The following WDR7 variants were observed in gnomAD, a reference collection of about 807,000 sequenced individuals.
The protein encoded by WDR7 is WD repeat-containing protein 7.
A neutral mutation model predicts 169.4 loss-of-function variants in WDR7; 46 were observed. That is an observed-to-expected ratio of 0.27 (90% CI 0.21 to 0.35). The LOEUF (loss-of-function observed/expected upper bound fraction) is 0.35, where lower values mean the gene tolerates loss of function less well. Ranked by LOEUF, WDR7 falls within the 10% of genes least tolerant of loss-of-function variation. The pLI is 1.00. For missense variants in WDR7, 1,534 were observed against 1,859.3 expected (o/e 0.83, Z 3.22); for synonymous variants, 612 against 666.8 (o/e 0.92, Z 1.27).
At chr18:57,008,815 G>T (rs1174297258) in intron 26 of WDR7, among the ~76,000 whole-genome samples, 1 of 152,120 alleles carries the variant, frequency 6.6e-6, no homozygotes, top group African/African-American at 2.4e-5. Context: ...TCACTGGCAG[G>T]GGTCCTATCT....
intron 25 of WDR7, among the ~76,000 whole-genome samples, chr18:56,940,164 A>C (rs2047015048): frequency 1.3e-5 from 2 of 152,134 alleles, no homozygotes; most frequent in Non-Finnish European, 2.9e-5. Flanking sequence ...AAAACAGAAC[A>C]ACCAGTTATT....
chr18:56,791,709 C>T (rs2044487705), intron 19 of WDR7, among the ~76,000 whole-genome samples: 1 of 152,124 alleles, frequency 6.6e-6, no homozygotes, highest in Non-Finnish European at 1.5e-5. Context: ...TCAGATGTCA[C>T]CTATTTTAAA....
downstream of WDR7, chr18:57,029,932 T>C (rs2048424189): frequency 2.0e-5 from 3 of 152,160 alleles, no homozygotes; most frequent in South Asian, 6.2e-4. Flanking sequence ...GGCAACTTAT[T>C]CCCAGAGGAC....
intron 26 of WDR7, among the ~76,000 whole-genome samples, chr18:56,969,167 C>T (rs1019113365): frequency 6.8e-4 from 104 of 152,278 alleles, no homozygotes; most frequent in African/African-American, 2.5e-3. Flanking sequence ...CTACCAGCAT[C>T]CTTTCTAACC....
intron 20 of WDR7, among the ~76,000 whole-genome samples, chr18:56,842,804 C>A (rs2045506193): frequency 6.6e-6 from 1 of 152,080 alleles, no homozygotes; most frequent in South Asian, 2.1e-4. Context: ...TTTTTGATAG[C>A]TTTTAATTTG....
chr18:56,819,647 A>G (rs2045050489), intron 20 of WDR7, among the ~76,000 whole-genome samples: 2 of 152,130 alleles, frequency 1.3e-5, no homozygotes. Context: ...ATTACATTCA[A>G]TATTAAACCT....
At chr18:56,923,780 A>T in intron 21 of WDR7, 142 bp from the exon 22 acceptor site, 1 of 743,122 alleles carries the variant, frequency 1.3e-6, no homozygotes, top group Non-Finnish European at 2.0e-6. Context: ...CCATTTATCC[A>T]AGATCTTGTG....
intron 19 of WDR7, 80 bp downstream of exon 19, chr18:56,781,736 C>CT (rs2044321616): frequency 1.5e-6 from 2 of 1,313,760 alleles, no homozygotes; most frequent in Non-Finnish European, 2.0e-6. Context: ...ATATATGCTA[C>CT]TACCCATCAA....
chr18:56,785,334 A>C (rs1279416279), intron 19 of WDR7, among the ~76,000 whole-genome samples: 2 of 152,214 alleles, frequency 1.3e-5, no homozygotes, highest in Non-Finnish European at 2.9e-5. Context: ...GAAATGCAAA[A>C]CCTGTTTCTA....
At chr18:56,807,846 C>T (rs1333149135) in intron 19 of WDR7, among the ~76,000 whole-genome samples, 1 of 152,040 alleles carries the variant, frequency 6.6e-6, no homozygotes, top group African/African-American at 2.4e-5. Flanking sequence ...AATAAACTAA[C>T]TTTATTGTTT....
At chr18:56,811,465 G>T (rs1434247669) in intron 19 of WDR7, among the ~76,000 whole-genome samples, 1 of 151,914 alleles carries the variant, frequency 6.6e-6, no homozygotes, top group African/African-American at 2.4e-5. Context: ...TTCTTAATAG[G>T]GCCTTTGTAG....
At chr18:56,878,458 A>C (rs142760610) in intron 20 of WDR7, among the ~76,000 whole-genome samples, 42 of 152,056 alleles carry the variant, frequency 2.8e-4, no homozygotes, top group African/African-American at 4.3e-4. Context: ...GTTTATTTTC[A>C]TGCTTGTTAT....
At chr18:56,666,230 T>G (rs1453820995) in intron 1 of WDR7, among the ~76,000 whole-genome samples, 1 of 114,992 alleles carries the variant, frequency 8.7e-6, no homozygotes, top group Admixed American at 1.2e-4. Context: ...TGAGCCGCAG[T>G]TTCACTCTTG....
chr18:56,668,604 A>G lies in WDR7; in HGVS notation c.-19-3893A>G, dbSNP rs540534187. 4.6e-5 allele frequency among the ~76,000 whole-genome samples: 7 copies of G among 152,312 alleles called. No individual in the cohort carries two copies. The South Asian group carries it at 1.4e-3, about 32-fold the overall frequency. ...AGAAACCTGAGAAATGCTGCTCTAA[A>G]ATGTATACTAATTATTAGGAGTTTG... On this transcript the variant is annotated intron_variant, in intron 1 of 27. Transcript: ENST00000254442.
At position 56,651,413 on chromosome 18, in the gene WDR7, G is replaced by C. The variant is rs2024648924; in HGVS notation, c.-183G>C. 6.5e-6 allele frequency: 1 copy of C among 153,446 alleles called. No homozygotes were observed. The highest frequency in any genetic ancestry group is 2.0e-4 in the South Asian group (1 of 4,994). 9.5% of individuals were successfully genotyped at this position (153,446 alleles called of 1,614,324 possible). A position where few individuals can be genotyped will look rare whatever the true frequency, so the allele number is the denominator to read the frequency against. ...GGCACCGGCACCTTGCAGTATCACT[G>C]GGGAGACGGCGGCTGTATAGCGCTT... On this transcript the variant is annotated 5_prime_UTR_variant, in exon 1 of 28. Coordinates refer to ENST00000254442, the MANE Select transcript of WDR7 (RefSeq NM_015285.3).
chr18:56,924,904 A>G (rs2046781849), intron 22 of WDR7, among the ~76,000 whole-genome samples: 1 of 152,214 alleles, frequency 6.6e-6, no homozygotes, highest in Non-Finnish European at 1.5e-5. Context: ...GTCACCCTGA[A>G]TGGAAGCCCC....
chr18:56,694,984 G>A lies in WDR7; in HGVS notation c.1143G>A (p.Glu381=). 6.2e-7 allele frequency: 1 copy of A among 1,614,108 alleles called. No homozygotes were observed. Among genetic ancestry groups the A allele is most frequent in the Non-Finnish European group, 8.5e-7 (1 of 1,179,990 alleles). ...TGACAACTTCTATTAGTTTGCAAGA[G>A]GCATTTGATAAACTGAATCCTTGTC... is the stretch of plus-strand genomic sequence containing the variant. ...LAMTTSISLQ[E]AFDKLNPCPA... is the part of the protein sequence containing the mutation. Residue 381 remains glutamate, a synonymous_variant, in exon 11 of 28, where the codon GAG becomes GAA. Coordinates refer to ENST00000254442, the MANE Select transcript of WDR7 (RefSeq NM_015285.3).
At chr18:56,864,195 G>A (rs1232263213) in intron 20 of WDR7, among the ~76,000 whole-genome samples, 1 of 151,582 alleles carries the variant, frequency 6.6e-6, no homozygotes, top group South Asian at 2.1e-4. Context: ...AAATATTACA[G>A]TTTATATTTA....
intron 12 of WDR7, among the ~76,000 whole-genome samples, chr18:56,701,653 CT>C (rs1447718958): frequency 3.3e-5 from 5 of 151,990 alleles, no homozygotes; most frequent in African/African-American, 4.8e-5. Context: ...GTATTAGAAA[CT>C]TTTTTTTAAA....
Sources: allele counts gnomAD v4.1 joint callset (sites outside exome capture counted in the v4.1 genomes callset), GRCh38; gene constraint gnomAD v4.1.1; transcripts MANE v1.5; gene names NCBI Gene and HGNC (gene_info 2026-07-23, HGNC 2026-07-21).